DCTN1: variants seen among roughly 807,000 people sequenced by gnomAD.
DCTN1 encodes 150 kDa dynein-associated polypeptide.
A neutral mutation model predicts 161.2 loss-of-function variants in DCTN1; 61 were observed. The observed-to-expected ratio is 0.38, with a 90% CI of 0.31 to 0.47. The LOEUF is 0.47. Ranked by LOEUF, DCTN1 falls within the 20% of genes least tolerant of loss-of-function variation. DCTN1 has a pLI of 0.99. For synonymous variants in DCTN1, 653 were observed against 632.4 expected, an observed-to-expected ratio of 1.03 and a Z score of -0.49; for missense variants, 1,404 against 1,623.7, an observed-to-expected ratio of 0.86 and a Z score of 2.33.
intron 6 of DCTN1, chr2:74,373,214 G>A (rs1371353214): frequency 3.7e-6 from 2 of 541,238 alleles, no homozygotes; most frequent in Admixed American, 3.0e-5. Flanking sequence ...AGACACCCCA[G>A]AAATCCCAGA....
At chr2:74,362,870 G>T in intron 29 of DCTN1, 124 bp downstream of exon 29, 2 of 1,351,498 alleles carry the variant, frequency 1.5e-6, no homozygotes, top group Non-Finnish European at 2.1e-6. Flanking sequence ...AAACTGAACA[G>T]TGAAGCCAAA....
rs1674675403 is a variant in DCTN1, at chr2:74,369,531, G to A, written c.1393-40C>T. The A allele has an allele frequency of 1.9e-6, 3 of 1,603,344 alleles. No individual in the cohort carries two copies. Among genetic ancestry groups the A allele is most frequent in the South Asian group, 1.1e-5 (1 of 91,030 alleles). ...CATAGTTTGGGCTAAAGAAAGGCAG[G>A]GTCGGCCAGCGGCGGTGGTTCACAC... On this transcript the variant is annotated intron_variant, in intron 13 of 31. Transcript: ENST00000628224. The surrounding 1 kb of genome is among the most constrained non-coding windows in gnomAD (Gnocchi z 4.9).
intron 16 of DCTN1, chr2:74,368,482 T>G: frequency 1.5e-6 from 1 of 647,442 alleles, no homozygotes; most frequent in Non-Finnish European, 2.7e-6. Flanking sequence ...CAGACAATGT[T>G]ATTCCCTCAG....
At position 74,369,232 on chromosome 2, in the gene DCTN1, G is replaced by A; in HGVS notation, c.1585-18C>T. The A allele has an allele frequency of 6.2e-7, 1 of 1,614,194 alleles. No individual in the cohort carries two copies. Among genetic ancestry groups the A allele is most frequent in the East Asian group, 2.2e-5 (1 of 44,880 alleles). The stretch of plus-strand genomic sequence containing the variant: ...TTCACATCCTAGGAGGAGAGACAGT[G>A]AAGCACAGCTGGGTCATAAGGAAGC... On this transcript the variant is annotated intron_variant, in intron 14 of 31. Transcript: ENST00000628224. This position sits in a 1 kb window ranked among gnomAD's most constrained non-coding sequence, Gnocchi z 4.9.
intron 1 of DCTN1, among the ~76,000 whole-genome samples, chr2:74,387,599 C>T (rs1675791906): frequency 6.6e-6 from 1 of 152,252 alleles, no homozygotes. Context: ...ACAACTCCCT[C>T]TCTTGTTCTC....
intron 31 of DCTN1, 123 bp from the exon 32 acceptor site, chr2:74,361,759 T>C: frequency 8.0e-7 from 1 of 1,245,460 alleles, no homozygotes; most frequent in Non-Finnish European, 1.2e-6. Context: ...TCTGAGATCC[T>C]GGGCTATTGT....
intron 26 of DCTN1, 166 bp downstream of exon 26, chr2:74,364,909 C>A: frequency 1.2e-6 from 1 of 819,072 alleles, no homozygotes; most frequent in Non-Finnish European, 2.0e-6. Flanking sequence ...ACATCTTCAG[C>A]GGAAGGGAAA....
intron 23 of DCTN1, 101 bp downstream of exon 23, chr2:74,366,143 A>G: frequency 6.2e-7 from 1 of 1,610,572 alleles, no homozygotes; most frequent in Non-Finnish European, 8.5e-7. Flanking sequence ...TGCTCTCCAG[A>G]TGCCTTCCTC....
chr2:74,391,500 T>C lies in DCTN1; in HGVS notation c.-19+294A>G, dbSNP rs72905445. 1.4e-3 allele frequency: 420 copies of C among 310,580 alleles called. 1 individual carries two copies. Among genetic ancestry groups the C allele is most frequent in the African/African-American group, 9.3e-3 (399 of 42,998 alleles). 19.2% of individuals were successfully genotyped at this position (310,580 alleles called of 1,614,324 possible). A position where few individuals can be genotyped will look rare whatever the true frequency, so the allele number is the denominator to read the frequency against. On this transcript the variant is annotated intron_variant, in intron 1 of 27. Coordinates refer to the DCTN1 transcript ENST00000409240. Reference sequence around the variant, plus strand: ...CAGGAAACCTGTAGCTCAGTATGGATTCAGGGGCGCCTCAGACGCTCGCAG... The same window carrying C: ...CAGGAAACCTGTAGCTCAGTATGGACTCAGGGGCGCCTCAGACGCTCGCAG...
chr2:74,363,594 C>T lies in DCTN1; in HGVS notation c.3211+20G>A, dbSNP rs779603456. The T allele has an allele frequency of 1.1e-5, 17 of 1,612,992 alleles. No individual in the cohort carries two copies. The East Asian group carries it at 1.1e-4, about 11-fold the overall frequency. Reference sequence around the variant, plus strand: ...CAACTCCCACCAGCCTGGTAACCCCCGGCCAGAGTGGGTCTCTACCTCGCT... The same window carrying T: ...CAACTCCCACCAGCCTGGTAACCCCTGGCCAGAGTGGGTCTCTACCTCGCT... On this transcript the variant is annotated intron_variant, in intron 27 of 31. Coordinates refer to ENST00000628224, the MANE Select transcript of DCTN1 (RefSeq NM_004082.5).
chr2:74,370,068 A>G lies in DCTN1; in HGVS notation c.1289T>C (p.Val430Ala). The G allele has an allele frequency of 6.2e-7, 1 of 1,614,116 alleles. No individual in the cohort carries two copies. Among genetic ancestry groups the G allele is most frequent in the Non-Finnish European group, 8.5e-7 (1 of 1,180,022 alleles). The change falls in exon 13 of 32, where the codon GTG becomes GCG. Residue 430 changes from valine to alanine, a missense_variant and splice_region_variant. This residue lies in a region of DCTN1 where 278 missense variants were observed against 363.8 expected (regional missense o/e 0.76). Transcript: ENST00000628224. The surrounding 1 kb of genome is among the most constrained non-coding windows in gnomAD (Gnocchi z 4.4). The part of the protein sequence containing the change: ...ESTIDELKEQ[V>A]DAALGAEEMV... ...CTCCTCAGCACCCAGAGCAGCATCC[A>G]CCTGTGTTACGGGGAGGATAGGGAG...
intron 26 of DCTN1, chr2:74,364,849 C>T (rs1181445623): frequency 3.4e-6 from 2 of 596,764 alleles, no homozygotes; most frequent in Non-Finnish European, 6.0e-6. Flanking sequence ...TTATTCTGAG[C>T]CTCATTAACA....
intron 21 of DCTN1, 29 bp downstream of exon 21, chr2:74,366,754 C>T (rs1330255184): frequency 2.5e-6 from 4 of 1,614,270 alleles, no homozygotes; most frequent in Non-Finnish European, 3.4e-6. Flanking sequence ...TACTCAGTTT[C>T]CTTCCCTTCC....
At chr2:74,379,252 C>G (rs1461812163) in intron 1 of DCTN1, among the ~76,000 whole-genome samples, 1 of 152,042 alleles carries the variant, frequency 6.6e-6, no homozygotes, top group Non-Finnish European at 1.5e-5. Flanking sequence ...AGGGGCCTTG[C>G]AGCAAACAGA....
At chr2:74,362,262 A>G (rs748649285) in intron 30 of DCTN1, 121 bp from the exon 31 acceptor site, 10 of 847,042 alleles carry the variant, frequency 1.2e-5, no homozygotes, top group Non-Finnish European at 1.7e-5. Context: ...CTCTATATCA[A>G]CATACTTTTG....
At chr2:74,371,237 G>A (rs1327728906) in intron 8 of DCTN1, 61 bp from the exon 9 acceptor site, 3 of 1,608,020 alleles carry the variant, frequency 1.9e-6, no homozygotes, top group African/African-American at 1.3e-5. Context: ...CCAACACTGA[G>A]CTGGCGCAAA....
chr2:74,374,098 A>G (rs112569909), intron 6 of DCTN1: 8 of 601,662 alleles, frequency 1.3e-5, no homozygotes. Flanking sequence ...CTGGGTGTTA[A>G]GGCCTGGAAC....
In DCTN1 at chr2:74,362,733, T is replaced by C. The variant is rs1674104633; in HGVS notation, c.3530-4A>G. 6.2e-7 allele frequency: 1 copy of C among 1,613,708 alleles called. No homozygotes were observed. Among genetic ancestry groups the C allele is most frequent in the Non-Finnish European group, 8.5e-7 (1 of 1,179,902 alleles). ...TGGGCCGACGGGCTCTTGGCAGCTG[T>C]GGGGAGAGAAAGCTGGTGAGGCCCA... On this transcript the variant is annotated splice_polypyrimidine_tract_variant and splice_region_variant and intron_variant, in intron 29 of 31. Transcript: ENST00000628224.
chr2:74,368,267 C>A, intron 16 of DCTN1, 136 bp from the exon 17 acceptor site: 1 of 1,203,558 alleles, frequency 8.3e-7, no homozygotes, highest in Non-Finnish European at 1.2e-6. Flanking sequence ...TAGCTCTTAC[C>A]TGGGTGGGGA....
Sources: allele counts gnomAD v4.1 joint callset (sites outside exome capture counted in the v4.1 genomes callset), GRCh38; gene constraint gnomAD v4.1.1; regional missense constraint gnomAD v4.1.1; non-coding constraint Gnocchi (gnomAD v3.1); transcripts MANE v1.5; gene names NCBI Gene and HGNC (gene_info 2026-07-23, HGNC 2026-07-21).